Variants in ZNF184 observed in about 807,000 individuals in gnomAD.
ZNF184 encodes the protein zinc finger protein 184 (Kruppel-like).
A neutral mutation model predicts 54.4 loss-of-function variants in ZNF184; 16 were observed. The ratio of observed to expected loss-of-function variants is 0.29; its 90% confidence interval spans 0.20 to 0.45. ZNF184 has a LOEUF of 0.45. ZNF184 is among the 20% of genes least tolerant of loss of function. ZNF184 has a pLI of 1.00. For missense variants in ZNF184, 681 were observed against 888.2 expected, an observed-to-expected ratio of 0.77 and a Z score of 2.97; for synonymous variants, 254 against 295.3, an observed-to-expected ratio of 0.86 and a Z score of 1.43.
rs762304704 is a variant in ZNF184 at position 27,452,887 on chromosome 6, G to A, written c.672C>T (p.Cys224=). ...AACTAAAGGCTTTCCCACATTCATT[G>A]CACTTACAAGATTTCTCTTTTTTAA... ...NPVKKEKSCK[C]NECGKAFSYC... is the part of the protein sequence containing the mutation. Residue 224 remains cysteine (C), a synonymous_variant, in exon 6 of 6, where the codon TGC becomes TGT. Coordinates refer to ENST00000683788, the MANE Select transcript of ZNF184 (RefSeq NM_001318891.2). The surrounding 1 kb of genome is among the most constrained non-coding windows in gnomAD (Gnocchi z 5.5). The A allele has an allele frequency of 2.5e-6, 4 of 1,614,126 alleles. No individual in the cohort carries two copies.
the ZNF184 span, among the ~76,000 whole-genome samples, chr6:27,440,536 A>C: frequency 6.6e-6 from 1 of 152,184 alleles, no homozygotes; most frequent in Non-Finnish European, 1.5e-5. Flanking sequence ...TGGTATACTG[A>C]CACAATGAAG....
chr6:27,449,237 A>G (rs1762672212), downstream of ZNF184, among the ~76,000 whole-genome samples: 1 of 152,238 alleles, frequency 6.6e-6, no homozygotes, highest in South Asian at 2.1e-4. Flanking sequence ...ACATTGAAAC[A>G]TCCAAATAAA....
chr6:27,450,868 T>C lies in ZNF184; in HGVS notation c.*435A>G, dbSNP rs1282725821. The C allele has an allele frequency of 1.3e-5, 2 of 150,590 alleles. No homozygotes were observed. Among genetic ancestry groups the C allele is most frequent in the African/African-American group, 5.0e-5 (2 of 39,916 alleles). 9.3% of individuals were successfully genotyped at this position (150,590 alleles called of 1,614,324 possible). On this transcript the variant is annotated 3_prime_UTR_variant, in exon 6 of 6. Transcript: ENST00000683788. ...GAACCAGTTACCTAAACAATGTAAATGCATTAGACCAGGAGCATACTAGAT... is the reference window on the plus strand; with the variant it reads ...GAACCAGTTACCTAAACAATGTAAACGCATTAGACCAGGAGCATACTAGAT...
At chr6:27,420,970 A>G in the ZNF184 span, among the ~76,000 whole-genome samples, 5 of 152,338 alleles carry the variant, frequency 3.3e-5, no homozygotes, top group African/African-American at 1.2e-4. Context: ...GTGCATATAA[A>G]TATGTGAAAG....
chr6:27,428,863 T>C, the ZNF184 span, among the ~76,000 whole-genome samples: 1 of 152,184 alleles, frequency 6.6e-6, no homozygotes, highest in Non-Finnish European at 1.5e-5. The surrounding 1 kb of genome is among the most constrained non-coding windows in gnomAD (Gnocchi z 4.1). Context: ...AATAAAGTTA[T>C]GATATACTGA....
rs1762726642 is a variant in ZNF184, at chr6:27,451,693, G to A, written c.1866C>T (p.Ala622=). 2.5e-6 allele frequency: 4 copies of A among 1,613,896 alleles called. No homozygotes were observed. In the Admixed American group the frequency reaches 6.7e-5, roughly 27 times the overall value. Reference sequence around the variant, plus strand: ...GAGCAAGAGATGAACAATGTCGAAAGGCTTTACCACACTCAGCACACTCAT... The same window carrying A: ...GAGCAAGAGATGAACAATGTCGAAAAGCTTTACCACACTCAGCACACTCAT... The part of the protein sequence containing the change: ...KPYECAECGK[A]FRHCSSLAQH... The change falls in exon 6 of 6, where the codon GCC becomes GCT. Residue 622 remains alanine, a synonymous_variant. Transcript: ENST00000683788.
At chr6:27,436,470 G>A in the ZNF184 span, among the ~76,000 whole-genome samples, 1 of 152,198 alleles carries the variant, frequency 6.6e-6, no homozygotes, top group Admixed American at 6.5e-5. Flanking sequence ...GGCCTTATGA[G>A]TTTATTTTAT....
rs1295040317 is a variant in ZNF184, at chr6:27,453,658, C to A, written c.299-398G>T. Among the ~76,000 whole-genome samples, 3 of 152,106 alleles carry A rather than the reference C, an allele frequency of 2.0e-5. No homozygotes were observed. Among genetic ancestry groups the A allele is most frequent in the African/African-American group, 7.2e-5 (3 of 41,420 alleles). ...CAAGAACCATGATTTAAAGACAGAACAAACAGGAAAGATTTATTAGCTAAG... is the reference window on the plus strand; with the variant it reads ...CAAGAACCATGATTTAAAGACAGAAAAAACAGGAAAGATTTATTAGCTAAG... On this transcript the variant is annotated intron_variant, in intron 5 of 5. Transcript: ENST00000683788. This position sits in a 1 kb window ranked among gnomAD's most constrained non-coding sequence, Gnocchi z 4.7.
intron 2 of ZNF184, among the ~76,000 whole-genome samples, chr6:27,469,768 C>T (rs1380455905): frequency 6.6e-6 from 1 of 151,992 alleles, no homozygotes; most frequent in Non-Finnish European, 1.5e-5. Context: ...ATATTTATGA[C>T]CACACATAGA....
chr6:27,448,676 A>C (rs1045296703), downstream of ZNF184, among the ~76,000 whole-genome samples: 4 of 152,140 alleles, frequency 2.6e-5, no homozygotes, highest in African/African-American at 4.8e-5. Flanking sequence ...CTCTGCCTGG[A>C]ATGTTATCCT....
the ZNF184 span, among the ~76,000 whole-genome samples, chr6:27,431,788 C>T: frequency 0.014 from 2,109 of 152,250 alleles, 43 homozygotes; most frequent in African/African-American, 0.044. Flanking sequence ...ATGAGTTGTG[C>T]TTAATCAAGG....
chr6:27,467,905 T>A lies in ZNF184; in HGVS notation c.23A>T (p.Asp8Val), dbSNP rs1194045461. 6.2e-7 allele frequency: 1 copy of A among 1,610,566 alleles called. No homozygotes were observed. The highest frequency in any genetic ancestry group is 8.5e-7 in the Non-Finnish European group (1 of 1,178,474). ...ATGTCCCCCTTGGAGAAGGGTGGAG[T>A]CTGGAGAGGACAGATCTAGGGGGAG... MEDLSSP[D>V]STLLQGGHNL... Residue 8 changes from aspartate to valine, a missense_variant, in exon 3 of 6, where the codon GAC becomes GTC. By Grantham distance (152) the Asp-to-Val change is radical. Transcript: ENST00000683788.
At chr6:27,442,802 GAGAAAGAAAGAGAA>G in the ZNF184 span, among the ~76,000 whole-genome samples, 20 of 91,024 alleles carry the variant, frequency 2.2e-4, no homozygotes, top group Middle Eastern at 5.6e-3. Flanking sequence ...AAGAAAGAAA[GAGAAAGAAAGAGAA>G]AGAAAGAAAG....
chr6:27,441,383 A>G, the ZNF184 span, among the ~76,000 whole-genome samples: 8 of 151,990 alleles, frequency 5.3e-5, no homozygotes, highest in East Asian at 1.9e-4. Flanking sequence ...CTGGCTAATT[A>G]TTTGTAATTT....
At chr6:27,441,498 A>T in the ZNF184 span, among the ~76,000 whole-genome samples, 6 of 146,990 alleles carry the variant, frequency 4.1e-5, no homozygotes, top group East Asian at 1.2e-3. Flanking sequence ...TACAGACAAG[A>T]GCCACTGTAT....
At chr6:27,418,931 A>G in the ZNF184 span, among the ~76,000 whole-genome samples, 1 of 152,026 alleles carries the variant, frequency 6.6e-6, no homozygotes, top group Non-Finnish European at 1.5e-5. Flanking sequence ...CCCTACCCCA[A>G]AAATGTAAAT....
the ZNF184 span, among the ~76,000 whole-genome samples, chr6:27,422,196 GAAAGAAA>G: frequency 2.3e-5 from 1 of 44,320 alleles, no homozygotes; most frequent in East Asian, 6.6e-4. Flanking sequence ...AAGAAAGAAA[GAAAGAAA>G]GAAAGAAAGA....
the ZNF184 span, among the ~76,000 whole-genome samples, chr6:27,430,468 G>A: frequency 6.8e-4 from 103 of 152,172 alleles, no homozygotes; most frequent in Middle Eastern, 6.8e-3. Context: ...GGTTAGCAGC[G>A]TGGACTCTAA....
the ZNF184 span, among the ~76,000 whole-genome samples, chr6:27,436,926 T>G: frequency 0.029 from 4,441 of 152,252 alleles, 67 homozygotes; most frequent in Non-Finnish European, 0.032. Flanking sequence ...ACAAATAAAA[T>G]TCTCCCTAAG....
Sources: allele counts gnomAD v4.1 joint callset (sites outside exome capture counted in the v4.1 genomes callset), GRCh38; gene constraint gnomAD v4.1.1; non-coding constraint Gnocchi (gnomAD v3.1); transcripts MANE v1.5; gene names NCBI Gene and HGNC (gene_info 2026-07-23, HGNC 2026-07-21).